The following CHRNA2 variants were observed in gnomAD, a reference collection of about 807,000 sequenced individuals.
CHRNA2 encodes cholinergic receptor nicotinic alpha 2 subunit.
In CHRNA2, 40 loss-of-function variants were observed where a neutral mutation model predicts 45.5. The ratio of observed to expected loss-of-function variants is 0.88; its 90% CI spans 0.68 to 1.15. The LOEUF is 1.15. Ranked by LOEUF, CHRNA2 falls within the 50% of genes most tolerant of loss-of-function variation. The pLI, the probability that CHRNA2 is intolerant of heterozygous loss-of-function variation, is 0.00. For synonymous variants in CHRNA2, 301 were observed against 296.7 expected (o/e 1.01, Z -0.15); for missense variants, 655 against 701.7 (o/e 0.93, Z 0.75).
intron 1 of CHRNA2, among the ~76,000 whole-genome samples, chr8:27,472,673 C>T (rs543796050): frequency 3.3e-4 from 50 of 152,298 alleles, no homozygotes; most frequent in Admixed American, 5.9e-4. Context: ...GAAGTGACTG[C>T]TTAATGATCA....
intron 1 of CHRNA2, among the ~76,000 whole-genome samples, chr8:27,472,028 C>T (rs1812899968): frequency 6.6e-6 from 1 of 152,194 alleles, no homozygotes; most frequent in African/African-American, 2.4e-5. Context: ...ATGAGGCCTC[C>T]ATAAAACCCC....
At chr8:27,466,310 A>C (rs1812696622) in intron 5 of CHRNA2, among the ~76,000 whole-genome samples, 1 of 152,218 alleles carries the variant, frequency 6.6e-6, no homozygotes, top group African/African-American at 2.4e-5. Context: ...TCTTTCTTTA[A>C]AGATAGCATT....
intron 6 of CHRNA2, 91 bp from the exon 7 acceptor site, chr8:27,461,845 G>A (rs924351510): frequency 6.3e-7 from 1 of 1,587,262 alleles, no homozygotes; most frequent in South Asian, 1.1e-5. Context: ...GCGGCCACTG[G>A]GGGCAGCAGC....
intron 6 of CHRNA2, 48 bp from the exon 7 acceptor site, chr8:27,461,802 G>T: frequency 6.2e-7 from 1 of 1,613,296 alleles, no homozygotes; most frequent in African/African-American, 1.3e-5. Flanking sequence ...CTGGGAAAGG[G>T]ATGTGTTCCC....
chr8:27,466,011 C>G (rs1164145077), intron 5 of CHRNA2, among the ~76,000 whole-genome samples: 1 of 152,142 alleles, frequency 6.6e-6, no homozygotes, highest in African/African-American at 2.4e-5. Flanking sequence ...GGACTTTGCT[C>G]CTGACCTCTG....
intron 1 of CHRNA2, among the ~76,000 whole-genome samples, chr8:27,472,670 C>T (rs578181178): frequency 3.3e-5 from 5 of 152,322 alleles, no homozygotes; most frequent in Admixed American, 2.6e-4. Flanking sequence ...TGGGAAGTGA[C>T]TGCTTAATGA....
intron 5 of CHRNA2, among the ~76,000 whole-genome samples, chr8:27,464,740 T>A (rs780028261): frequency 3.3e-5 from 5 of 152,198 alleles, no homozygotes; most frequent in Non-Finnish European, 7.3e-5. Flanking sequence ...AGAAGAGACC[T>A]AACACCTTTG....
At chr8:27,468,017 A>C (rs1350837956) in intron 4 of CHRNA2, among the ~76,000 whole-genome samples, 1 of 152,178 alleles carries the variant, frequency 6.6e-6, no homozygotes, top group Admixed American at 6.5e-5. Flanking sequence ...TTCAGGTCCA[A>C]CCAACATTTT....
In CHRNA2 at chr8:27,463,062, G is replaced by T; in HGVS notation, c.1381C>A (p.Leu461Met). ...AEALLQEGEL[L>M]LSPHMQKALE... is the part of the protein sequence containing the mutation. ...GCCTTCTGCATGTGGGGTGATAGCA[G>T]CAGCTCACCCTCCTGCAGCAGAGCC... Residue 461 changes from leucine to methionine, a missense_variant, in exon 6 of 7, where the codon CTG (leucine) becomes ATG (methionine). This residue lies in a region of CHRNA2 where 295 missense variants were observed against 280.4 expected (regional missense o/e 1.05). Transcript: ENST00000407991. The surrounding 1 kb of genome is among the most constrained non-coding windows in gnomAD (Gnocchi z 6.1). 6.2e-7 allele frequency: 1 copy of T among 1,613,242 alleles called. No individual in the cohort carries two copies. Among genetic ancestry groups the T allele is most frequent in the Middle Eastern group, 1.7e-4 (1 of 6,060 alleles).
intron 6 of CHRNA2, 118 bp from the exon 7 acceptor site, chr8:27,461,872 C>A (rs2132647008): frequency 5.6e-6 from 8 of 1,424,918 alleles, no homozygotes; most frequent in East Asian, 2.3e-5. Context: ...CCCACAGAGA[C>A]CTTGGGGAGC....
chr8:27,470,919 C>T, intron 2 of CHRNA2, 67 bp downstream of exon 2: 3 of 1,538,978 alleles, frequency 1.9e-6, no homozygotes, highest in Non-Finnish European at 1.8e-6. Flanking sequence ...CTGCAGACTC[C>T]TTCCTACAAT....
At chr8:27,471,831 C>A (rs1407562978) in intron 1 of CHRNA2, among the ~76,000 whole-genome samples, 1 of 152,208 alleles carries the variant, frequency 6.6e-6, no homozygotes, top group Non-Finnish European at 1.5e-5. Flanking sequence ...AAAATGATAT[C>A]TTTTTGCATG....
intron 1 of CHRNA2, among the ~76,000 whole-genome samples, chr8:27,476,016 T>C (rs1813049235): frequency 1.3e-5 from 2 of 152,250 alleles, no homozygotes; most frequent in Non-Finnish European, 2.9e-5. Context: ...GGAAGGAGAC[T>C]AAGGCTTCTC....
intron 4 of CHRNA2, among the ~76,000 whole-genome samples, chr8:27,468,911 G>A (rs915418685): frequency 9.2e-5 from 14 of 152,222 alleles, no homozygotes; most frequent in African/African-American, 3.1e-4. Context: ...AGCACTCAGC[G>A]TTCTCCCATA....
intron 1 of CHRNA2, among the ~76,000 whole-genome samples, chr8:27,473,535 C>CCG (rs60439689): frequency 1.4e-5 from 2 of 138,368 alleles, no homozygotes; most frequent in Admixed American, 7.1e-5. Context: ...CCCCCCCCGC[C>CCG]GTCTCTACAA....
At position 27,463,408 on chromosome 8, in the gene CHRNA2, G is replaced by A; in HGVS notation, c.1035C>T (p.Ile345=). ...GGTGCACATTGAGCACGAAGACGGT[G>A]ATGACGATGGACAGGGTGACGAAGA... is the stretch of plus-strand genomic sequence containing the variant. ...TMIFVTLSIV[I]TVFVLNVHHR... Residue 345 remains isoleucine, a synonymous_variant, in exon 6 of 7, where the codon ATC becomes ATT. Transcript: ENST00000407991. This position sits in a 1 kb window ranked among gnomAD's most constrained non-coding sequence, Gnocchi z 6.1. 1 of 1,614,206 alleles carries A rather than the reference G, an allele frequency of 6.2e-7. No homozygotes were observed. Among genetic ancestry groups the A allele is most frequent in the East Asian group, 2.2e-5 (1 of 44,870 alleles).
In CHRNA2 at chr8:27,463,872, G is replaced by A; in HGVS notation, c.571C>T (p.Pro191Ser). ...ATCTTGCAGTTCTGCTGGTCGAAGG[G>A]GAAGAAGGTGACGTCGATGCTGCAG... ...SSCSIDVTFF[P>S]FDQQNCKMKF... The change falls in exon 6 of 7, where the codon CCC (proline) becomes TCC (serine). Residue 191 changes from proline (P) to serine (S), a missense_variant. This residue lies in a region of CHRNA2 where 323 missense variants were observed against 354.4 expected (regional missense o/e 0.91). Coordinates refer to ENST00000407991, the MANE Select transcript of CHRNA2 (RefSeq NM_000742.4). This position sits in a 1 kb window ranked among gnomAD's most constrained non-coding sequence, Gnocchi z 6.1. 1.2e-6 allele frequency: 2 copies of A among 1,614,216 alleles called. No individual in the cohort carries two copies. Among genetic ancestry groups the A allele is most frequent in the South Asian group, 2.2e-5 (2 of 91,082 alleles).
At chr8:27,469,507 C>G in intron 3 of CHRNA2, 128 bp from the exon 4 acceptor site, 1 of 1,027,392 alleles carries the variant, frequency 9.7e-7, no homozygotes, top group East Asian at 2.6e-5. Context: ...CCGCCACCCA[C>G]TCTGAAACCT....
At position 27,461,814 on chromosome 8, in the gene CHRNA2, C is replaced by G. The variant is rs569935505; in HGVS notation, c.1465-60G>C. 5 of 1,611,720 alleles carry G rather than the reference C, an allele frequency of 3.1e-6. No homozygotes were observed. The African/African-American group carries it at 4.0e-5, about 13-fold the overall frequency. ...GGCCTGGGAAAGGGATGTGTTCCCC[C>G]CATTCACAGCCCCTGCACAGGCGGC... On this transcript the variant is annotated intron_variant, in intron 6 of 6. Transcript: ENST00000407991.
Sources: allele counts gnomAD v4.1 joint callset (sites outside exome capture counted in the v4.1 genomes callset), GRCh38; gene constraint gnomAD v4.1.1; regional missense constraint gnomAD v4.1.1; non-coding constraint Gnocchi (gnomAD v3.1); transcripts MANE v1.5; gene names NCBI Gene and HGNC (gene_info 2026-07-23, HGNC 2026-07-21).